Variants in CACNA1C observed in about 807,000 individuals in gnomAD.
CACNA1C encodes calcium voltage-gated channel subunit alpha1 C, also known as voltage-dependent L-type calcium channel subunit alpha-1C.
A neutral mutation model predicts 229.0 loss-of-function variants in CACNA1C; 30 were observed. The ratio of observed to expected loss-of-function variants is 0.13; its 90% confidence interval spans 0.10 to 0.18. CACNA1C has a LOEUF of 0.18. CACNA1C is among the 10% of genes least tolerant of loss of function. The pLI is 1.00. For synonymous variants in CACNA1C, 1,114 were observed against 1,132.5 expected, an observed-to-expected ratio of 0.98 and a Z score of 0.33; for missense variants, 1,658 against 2,845.0, an observed-to-expected ratio of 0.58 and a Z score of 9.49.
intron 3 of CACNA1C, among the ~76,000 whole-genome samples, chr12:2,261,895 G>A (rs2080387809): frequency 2.0e-5 from 3 of 152,252 alleles, no homozygotes; most frequent in Admixed American, 2.0e-4. Flanking sequence ...ATGACAGTGA[G>A]TGGACATTGC....
chr12:2,383,417 G>A (rs1321120997), intron 3 of CACNA1C, among the ~76,000 whole-genome samples: 1 of 152,136 alleles, frequency 6.6e-6, no homozygotes, highest in East Asian at 1.9e-4. Flanking sequence ...TTCGTTGGGT[G>A]GCAGGAATGT....
chr12:2,635,061 G>A (rs1388073436), intron 30 of CACNA1C, among the ~76,000 whole-genome samples: 1 of 152,182 alleles, frequency 6.6e-6, no homozygotes, highest in Non-Finnish European at 1.5e-5. Context: ...GAGGTGGTGG[G>A]TGACGTACTG....
At chr12:2,355,819 A>G (rs761511018) in intron 3 of CACNA1C, among the ~76,000 whole-genome samples, 78 of 152,302 alleles carry the variant, frequency 5.1e-4, no homozygotes, top group Non-Finnish European at 7.2e-4. Flanking sequence ...TGAAGAGCCT[A>G]CAGTAGATGG....
rs1179180573 is a variant in CACNA1C at position 2,605,603 on chromosome 12, T to C, written c.3049-76T>C. 1.9e-6 allele frequency: 2 copies of C among 1,049,132 alleles called. No homozygotes were observed. The highest frequency in any genetic ancestry group is 3.0e-6 in the Non-Finnish European group (2 of 670,606). The allele number at this position is 1,049,132 out of a possible 1,614,324, so 65.0% of individuals were successfully genotyped here. A position where few individuals can be genotyped will look rare whatever the true frequency, so the allele number is the denominator to read the frequency against. On this transcript the variant is annotated intron_variant, in intron 23 of 46. Coordinates refer to ENST00000399655, the MANE Select transcript of CACNA1C (RefSeq NM_000719.7). This position sits in a 1 kb window ranked among gnomAD's most constrained non-coding sequence, Gnocchi z 6.2. ...TTACTCCCCGTTGTGGCAAACGGGC[T>C]GCCCCTGCTACCTCCTGGAAAGGCT... is the stretch of plus-strand genomic sequence containing the variant.
chr12:2,635,370 A>G (rs1015431834), intron 30 of CACNA1C, among the ~76,000 whole-genome samples: 11 of 152,156 alleles, frequency 7.2e-5, no homozygotes, highest in Non-Finnish European at 1.5e-4. Flanking sequence ...GGTCTTTAAC[A>G]TGTGTTGTTT....
At position 2,602,630 on chromosome 12, in the gene CACNA1C, T is replaced by TTGTG. The variant is rs3062140; in HGVS notation, c.2960+707_2960+710dup. 4.2e-3 allele frequency among the ~76,000 whole-genome samples: 596 copies of TTGTG among 140,880 alleles called. 1 individual carries two copies. The highest frequency in any genetic ancestry group is 0.016 in the African/African-American group (563 of 36,200). 92.4% of individuals were successfully genotyped at this position (140,880 alleles called of 152,430 possible). On this transcript the variant is annotated intron_variant, in intron 22 of 46. Coordinates refer to ENST00000399655, the MANE Select transcript of CACNA1C (RefSeq NM_000719.7). This position sits in a 1 kb window ranked among gnomAD's most constrained non-coding sequence, Gnocchi z 4.4. ...GTGTGTGACTGTGTATATTTGTGTCTTGTGTGTGTGTGTGTGTGTGTGTGT... is the reference window on the plus strand; with the variant it reads ...GTGTGTGACTGTGTATATTTGTGTCTTGTGTGTGTGTGTGTGTGTGTGTGTGTGT...
Position 2,089,810 on chromosome 12 carries a change from G to T in CACNA1C, c.50-25414G>T, listed in dbSNP as rs182648056. Among the ~76,000 whole-genome samples, 135 of 152,132 alleles carry T rather than the reference G, an allele frequency of 8.9e-4. 1 individual carries two copies. The highest frequency in any genetic ancestry group is 3.0e-3 in the African/African-American group (126 of 41,502). ...AGCACTTGGGGAGGCTGAGGTGGGC[G>T]GATCACAAGGTCGGGAGATCGAGAC... is the stretch of plus-strand genomic sequence containing the variant. On this transcript the variant is annotated intron_variant, in intron 1 of 46. Transcript: ENST00000399655.
intron 3 of CACNA1C, among the ~76,000 whole-genome samples, chr12:2,235,550 C>T (rs2067014564): frequency 6.6e-6 from 1 of 152,234 alleles, no homozygotes; most frequent in African/African-American, 2.4e-5. Context: ...CTTGCCATCA[C>T]TAGGGGTCCA....
chr12:2,320,052 G>A (rs1001940971), intron 3 of CACNA1C, among the ~76,000 whole-genome samples: 1 of 152,094 alleles, frequency 6.6e-6, no homozygotes, highest in Non-Finnish European at 1.5e-5. Context: ...TTCTTAGAGG[G>A]CCACGTCCCT....
intron 3 of CACNA1C, among the ~76,000 whole-genome samples, chr12:2,439,609 G>T (rs1364454124): frequency 6.6e-6 from 1 of 152,278 alleles, no homozygotes; most frequent in African/African-American, 2.4e-5. Context: ...ACACCCATGT[G>T]CTGGGGCAGG....
At chr12:2,363,078 T>C (rs1460907970) in intron 3 of CACNA1C, among the ~76,000 whole-genome samples, 1 of 152,254 alleles carries the variant, frequency 6.6e-6, no homozygotes, top group African/African-American at 2.4e-5. Context: ...AGGAGTGAGC[T>C]CTTGCACTCC....
chr12:2,544,096 C>T (rs28384339), intron 9 of CACNA1C, among the ~76,000 whole-genome samples: 6,122 of 150,448 alleles, frequency 0.041, 356 homozygotes, highest in African/African-American at 0.14. Context: ...CCAAGTGGCT[C>T]ATTTCAGCTC....
At chr12:2,090,302 A>C (rs1039185945) in intron 1 of CACNA1C, among the ~76,000 whole-genome samples, 4 of 140,236 alleles carry the variant, frequency 2.9e-5, no homozygotes, top group African/African-American at 5.2e-5. Context: ...CATTTTATGG[A>C]TAGACTACTT....
chr12:2,453,625 A>G (rs2154564062), intron 4 of CACNA1C, among the ~76,000 whole-genome samples: 1 of 152,220 alleles, frequency 6.6e-6, no homozygotes, highest in East Asian at 1.9e-4. Context: ...TCCTGTTCCC[A>G]TGGGGCTTTG....
chr12:2,356,785 A>G lies in CACNA1C; in HGVS notation c.478-92191A>G, dbSNP rs190012001. ...TGGTCAGCTTACGTGCCTCTCCCCA[A>G]ATATACTAAGTGCTCTATATGCATT... is the stretch of plus-strand genomic sequence containing the variant. On this transcript the variant is annotated intron_variant, in intron 3 of 46. Coordinates refer to ENST00000399655, the MANE Select transcript of CACNA1C (RefSeq NM_000719.7). 2.6e-3 allele frequency among the ~76,000 whole-genome samples: 392 copies of G among 152,270 alleles called. 1 individual carries two copies. The highest frequency in any genetic ancestry group is 2.7e-3 in the Non-Finnish European group (183 of 68,018).
intron 3 of CACNA1C, among the ~76,000 whole-genome samples, chr12:2,389,286 C>T (rs2098446267): frequency 6.6e-6 from 1 of 151,062 alleles, no homozygotes; most frequent in African/African-American, 2.4e-5. Flanking sequence ...ACTTGGCAAG[C>T]ATGCCAGAGG....
intron 3 of CACNA1C, among the ~76,000 whole-genome samples, chr12:2,136,025 G>C (rs1001760865): frequency 6.6e-6 from 1 of 150,710 alleles, no homozygotes; most frequent in Non-Finnish European, 1.5e-5. Context: ...CGTTTTTTAA[G>C]CCGGTCTGAA....
intron 3 of CACNA1C, among the ~76,000 whole-genome samples, chr12:2,430,812 A>G (rs1486117731): frequency 6.6e-6 from 1 of 152,112 alleles, no homozygotes; most frequent in Non-Finnish European, 1.5e-5. Context: ...AGCTGGGCCC[A>G]TGGAGCCCAA....
chr12:2,463,336 A>T (rs1282213147), intron 5 of CACNA1C, among the ~76,000 whole-genome samples: 1 of 152,264 alleles, frequency 6.6e-6, no homozygotes, highest in Admixed American at 6.5e-5. Flanking sequence ...TGTTCAACAA[A>T]ATCGACTGAG....
Sources: gnomAD v4.1 joint callset for allele counts (sites outside exome capture counted in the v4.1 genomes callset) on GRCh38, gnomAD v4.1.1 for gene constraint, Gnocchi (gnomAD v3.1) non-coding constraint, MANE v1.5 for transcripts, NCBI Gene and HGNC (gene_info 2026-07-23, HGNC 2026-07-21) for gene names.